The following ABCC12 variants were observed in gnomAD, a reference collection of about 807,000 sequenced individuals.
The protein encoded by ABCC12 is ATP binding cassette subfamily C member 12.
In ABCC12, 142 loss-of-function variants were observed where a neutral mutation model predicts 151.1. The observed-to-expected ratio is 0.94, with a 90% CI of 0.82 to 1.08. ABCC12 has a LOEUF of 1.08. Ranked by LOEUF, ABCC12 falls within the 50% of genes least tolerant of loss-of-function variation. The pLI is 0.00. For synonymous variants in ABCC12, 645 were observed against 646.4 expected (o/e 1.00, Z 0.03); for missense variants, 1,638 against 1,691.1 (o/e 0.97, Z 0.55).
intron 25 of ABCC12, among the ~76,000 whole-genome samples, chr16:48,089,802 C>A (rs569614352): frequency 6.6e-6 from 1 of 152,272 alleles, no homozygotes; most frequent in African/African-American, 2.4e-5. Flanking sequence ...ATTAACAGAA[C>A]TTGGGCTTGT....
In ABCC12 at chr16:48,104,381, G is replaced by A; in HGVS notation, c.2674-13C>T. 4 of 1,611,974 alleles carry A rather than the reference G, an allele frequency of 2.5e-6. No homozygotes were observed. Among genetic ancestry groups the A allele is most frequent in the Non-Finnish European group, 3.4e-6 (4 of 1,178,088 alleles). On this transcript the variant is annotated splice_polypyrimidine_tract_variant and intron_variant, in intron 21 of 30. Transcript: ENST00000311303. ...GGCTCTTTAAGATCTGTGGAGAATG[G>A]TAGAGAGTCAAACAGAGTCGAGATG...
At chr16:48,130,507 A>G (rs1964383143) in intron 10 of ABCC12, among the ~76,000 whole-genome samples, 1 of 152,368 alleles carries the variant, frequency 6.6e-6, no homozygotes, top group Non-Finnish European at 1.5e-5. Flanking sequence ...TCACTTGTGG[A>G]ACACTTAGGA....
chr16:48,101,643 G>T (rs1597306538), intron 22 of ABCC12, among the ~76,000 whole-genome samples: 1 of 151,892 alleles, frequency 6.6e-6, no homozygotes, highest in East Asian at 2.0e-4. Context: ...CCAGGGCAGT[G>T]AGGAGGGAAG....
In ABCC12 at chr16:48,133,789, G is replaced by A. The variant is rs143891004; in HGVS notation, c.1026C>T (p.Val342=). The A allele has an allele frequency of 2.3e-5, 37 of 1,613,928 alleles. No individual in the cohort carries two copies. The African/African-American group carries it at 4.0e-4, about 17-fold the overall frequency. The change falls in exon 9 of 31, where the codon GTC becomes GTT. Residue 342 remains valine, a synonymous_variant. Coordinates refer to ENST00000311303, the MANE Select transcript of ABCC12 (RefSeq NM_001393797.1). The part of the protein sequence containing the change: ...ERKLLEKAGF[V]QSGNSALAPI... ...GGGCCAGGGCAGAGTTTCCACTTTG[G>A]ACAAATCCAGCTTTTTCCAGTAATT...
At chr16:48,149,262 A>G (rs1176701626) in intron 2 of ABCC12, among the ~76,000 whole-genome samples, 2 of 148,974 alleles carry the variant, frequency 1.3e-5, no homozygotes, top group Non-Finnish European at 3.0e-5. Context: ...AAAAAAAAAA[A>G]AGGTAGGCAA....
At position 48,111,916 on chromosome 16, in the gene ABCC12, G is replaced by A. The variant is rs192996898; in HGVS notation, c.1990-6C>T. ...TCATCACAAGACTCTAAGAACTGCA[G>A]AAGTAAGTGATCGACAATGAACTTC... is the stretch of plus-strand genomic sequence containing the variant. On this transcript the variant is annotated splice_polypyrimidine_tract_variant and splice_region_variant and intron_variant, in intron 15 of 30. Coordinates refer to ENST00000311303, the MANE Select transcript of ABCC12 (RefSeq NM_001393797.1). 6.8e-6 allele frequency: 11 copies of A among 1,612,866 alleles called. No individual in the cohort carries two copies. In the East Asian group the frequency reaches 2.5e-4, roughly 36 times the overall value.
intron 4 of ABCC12, among the ~76,000 whole-genome samples, chr16:48,143,118 A>T (rs572612627): frequency 2.6e-5 from 4 of 152,386 alleles, no homozygotes; most frequent in African/African-American, 9.6e-5. Flanking sequence ...ATCAACCTAA[A>T]TATATTTTGT....
At chr16:48,140,567 AT>A in intron 6 of ABCC12, 119 bp downstream of exon 6, 2 of 937,066 alleles carry the variant, frequency 2.1e-6, no homozygotes, top group Non-Finnish European at 3.3e-6. Flanking sequence ...ATGGGACATG[AT>A]GGGCAGGTCA....
At chr16:48,110,151 A>G (rs1963634505) in intron 18 of ABCC12, among the ~76,000 whole-genome samples, 1 of 152,162 alleles carries the variant, frequency 6.6e-6, no homozygotes, top group South Asian at 2.1e-4. Context: ...GAACTGTAAA[A>G]CTATGTTGCC....
intron 27 of ABCC12, 54 bp from the exon 28 acceptor site, chr16:48,086,873 T>G: frequency 1.4e-6 from 2 of 1,468,886 alleles, no homozygotes; most frequent in Non-Finnish European, 1.9e-6. Flanking sequence ...GACGAGAGGA[T>G]GGATGCGGAG....
intron 9 of ABCC12, among the ~76,000 whole-genome samples, chr16:48,132,289 T>C (rs1323457608): frequency 6.6e-6 from 1 of 152,158 alleles, no homozygotes. Context: ...CTAAAGTGTG[T>C]CAGAATAAAC....
Position 48,141,215 on chromosome 16 carries a change from G to T in ABCC12, c.414C>A (p.Ala138=). 6.2e-7 allele frequency: 1 copy of T among 1,613,976 alleles called. No individual in the cohort carries two copies. Among genetic ancestry groups the T allele is most frequent in the Non-Finnish European group, 8.5e-7 (1 of 1,179,896 alleles). The change falls in exon 5 of 31, where the codon GCC becomes GCA. Residue 138 remains alanine (A), a synonymous_variant. Transcript: ENST00000311303. ...GGGCTGCCGCACTCACCGGCCCTAT[G>T]GCTGCCATGATGATGCACAGGATGT... The part of the protein sequence containing the change: ...VANILCIIMA[A]IGPTVLIHQI...
At position 48,085,604 on chromosome 16, in the gene ABCC12, G is replaced by C; in HGVS notation, c.3817C>G (p.Arg1273Gly). 6.2e-7 allele frequency: 1 copy of C among 1,613,826 alleles called. No individual in the cohort carries two copies. The highest frequency in any genetic ancestry group is 8.5e-7 in the Non-Finnish European group (1 of 1,179,866). Reference protein sequence around the residue: ...QLLCVARALLRNSKIILLDEA... With the variant: ...QLLCVARALLGNSKIILLDEA... Reference sequence around the variant, plus strand: ...CCGTGTTTTCTTACCTTTGAATTACGGAGAAGAGCTCGGGCCACACAAAGC... The same window carrying C: ...CCGTGTTTTCTTACCTTTGAATTACCGAGAAGAGCTCGGGCCACACAAAGC... The change falls in exon 29 of 31, where the codon CGT (arginine) becomes GGT (glycine). Residue 1273 changes from arginine (R) to glycine (G), a missense_variant. Arg to Gly is a moderately radical substitution (Grantham distance 125). Coordinates refer to ENST00000311303, the MANE Select transcript of ABCC12 (RefSeq NM_001393797.1).
At chr16:48,099,815 G>T (rs897243880) in intron 23 of ABCC12, among the ~76,000 whole-genome samples, 2 of 152,162 alleles carry the variant, frequency 1.3e-5, no homozygotes, top group Non-Finnish European at 2.9e-5. Context: ...AACAGACTAT[G>T]CCTGAGTGTG....
At chr16:48,098,651 G>C (rs1023512056) in intron 23 of ABCC12, among the ~76,000 whole-genome samples, 9 of 152,238 alleles carry the variant, frequency 5.9e-5, no homozygotes, top group Admixed American at 3.3e-4. Flanking sequence ...CGTGTGGTTG[G>C]TTAGATTGCA....
At chr16:48,088,984 G>A (rs1030455113) in intron 25 of ABCC12, among the ~76,000 whole-genome samples, 9 of 152,196 alleles carry the variant, frequency 5.9e-5, no homozygotes, top group African/African-American at 2.2e-4. Context: ...TTGTGTGTTG[G>A]GAAAGGGGGG....
chr16:48,105,366 A>C (rs777722325), intron 20 of ABCC12, 30 bp from the exon 21 acceptor site: 4 of 1,566,000 alleles, frequency 2.6e-6, no homozygotes, highest in Non-Finnish European at 3.5e-6. Flanking sequence ...AAGCACCAAG[A>C]ATTGATAAAT....
At chr16:48,090,990 C>G (rs1488708959) in intron 25 of ABCC12, 130 bp downstream of exon 25, 16 of 866,388 alleles carry the variant, frequency 1.8e-5, no homozygotes, top group Non-Finnish European at 2.8e-5. Flanking sequence ...GGATTATAGG[C>G]GTAAGCCACC....
At chr16:48,122,488 G>A (rs1383534317) in intron 12 of ABCC12, among the ~76,000 whole-genome samples, 18 of 152,210 alleles carry the variant, frequency 1.2e-4, no homozygotes, top group Admixed American at 1.0e-3. Flanking sequence ...GTTCATTTAA[G>A]ATGACCCCTC....
Sources: gnomAD v4.1 joint callset for allele counts (sites outside exome capture counted in the v4.1 genomes callset) on GRCh38, gnomAD v4.1.1 for gene constraint, MANE v1.5 for transcripts, NCBI Gene and HGNC (gene_info 2026-07-23, HGNC 2026-07-21) for gene names.